The following PCBD2 variants were observed in gnomAD, a reference collection of about 807,000 sequenced individuals.
PCBD2 encodes the protein pterin-4 alpha-carbinolamine dehydratase 2.
Under a neutral mutation model 16.4 loss-of-function variants are expected in PCBD2, and 12 were observed. That is an observed-to-expected ratio of 0.73 (90% CI 0.47 to 1.19). The LOEUF is 1.19. PCBD2 is among the 50% of genes most tolerant of loss of function. The pLI is 0.00. For synonymous variants in PCBD2, 58 were observed against 61.8 expected, an observed-to-expected ratio of 0.94 and a Z score of 0.29; for missense variants, 138 against 156.8, an observed-to-expected ratio of 0.88 and a Z score of 0.64.
intron 3 of PCBD2, among the ~76,000 whole-genome samples, chr5:134,959,536 G>A (rs1014907682): frequency 4.6e-5 from 7 of 152,212 alleles, no homozygotes; most frequent in South Asian, 2.1e-4. Flanking sequence ...TGTATCCTGC[G>A]TAGGAAATGA....
At chr5:134,918,427 C>T (rs1750859948) in intron 2 of PCBD2, among the ~76,000 whole-genome samples, 2 of 152,166 alleles carry the variant, frequency 1.3e-5, no homozygotes, top group African/African-American at 4.8e-5. Context: ...ATGGCTTGAA[C>T]CCGGGAGGCG....
At chr5:134,931,329 G>C (rs748622737) in intron 2 of PCBD2, among the ~76,000 whole-genome samples, 5 of 152,166 alleles carry the variant, frequency 3.3e-5, no homozygotes, top group Non-Finnish European at 1.5e-5. Context: ...AGGTCATTCT[G>C]TACACAGGTA....
intron 2 of PCBD2, among the ~76,000 whole-genome samples, chr5:134,938,507 A>G (rs573614373): frequency 6.6e-5 from 10 of 152,140 alleles, no homozygotes; most frequent in Non-Finnish European, 1.5e-4. Context: ...TGACCTTCCT[A>G]TTCTGGAGAA....
intron 2 of PCBD2, among the ~76,000 whole-genome samples, chr5:134,942,138 A>AG: frequency 6.6e-6 from 1 of 151,634 alleles, no homozygotes; most frequent in Non-Finnish European, 1.5e-5. Context: ...CTCAAAAAAA[A>AG]AAAAAAAAAA....
At chr5:134,913,397 G>A (rs573272837) in intron 2 of PCBD2, among the ~76,000 whole-genome samples, 62 of 152,310 alleles carry the variant, frequency 4.1e-4, no homozygotes, top group African/African-American at 1.5e-3. Context: ...GGTGATCCAA[G>A]GGAAGAGCTT....
chr5:134,936,829 C>G (rs1185525337), intron 2 of PCBD2, among the ~76,000 whole-genome samples: 1 of 152,144 alleles, frequency 6.6e-6, no homozygotes, highest in Non-Finnish European at 1.5e-5. Flanking sequence ...AATAGAAGAC[C>G]TGCTTGTTTT....
chr5:134,920,809 C>G (rs770309842), intron 2 of PCBD2, among the ~76,000 whole-genome samples: 1 of 152,238 alleles, frequency 6.6e-6, no homozygotes, highest in Non-Finnish European at 1.5e-5. Flanking sequence ...GCACCTGCCA[C>G]CAAGCCTGGC....
chr5:134,955,582 A>G (rs898462717), intron 2 of PCBD2, among the ~76,000 whole-genome samples: 3 of 152,338 alleles, frequency 2.0e-5, no homozygotes, highest in East Asian at 3.9e-4. Context: ...TGCTGGGATA[A>G]CAGGCATGAG....
At chr5:134,948,710 G>T (rs1319436247) in intron 2 of PCBD2, among the ~76,000 whole-genome samples, 1 of 138,746 alleles carries the variant, frequency 7.2e-6, no homozygotes, top group African/African-American at 2.8e-5. Context: ...CAAGAATAGT[G>T]ACTTGAAGCT....
chr5:134,926,924 G>A (rs572718422), intron 2 of PCBD2: 7 of 397,992 alleles, frequency 1.8e-5, no homozygotes, highest in Non-Finnish European at 3.1e-5. Flanking sequence ...GGTTAATAGT[G>A]GGGGGTAAGG....
intron 2 of PCBD2, among the ~76,000 whole-genome samples, chr5:134,945,386 A>G (rs532401603): frequency 6.6e-6 from 1 of 152,320 alleles, no homozygotes; most frequent in East Asian, 1.9e-4. Context: ...GAGGAGGAGA[A>G]AACAAATGAT....
At chr5:134,951,929 C>G (rs567588945) in intron 2 of PCBD2, among the ~76,000 whole-genome samples, 48 of 152,074 alleles carry the variant, frequency 3.2e-4, no homozygotes, top group African/African-American at 1.1e-3. Flanking sequence ...TATTACCATA[C>G]AGAAAAAATT....
rs753913786 is a variant in PCBD2, at chr5:134,910,347, C to G, written c.97C>G (p.His33Asp). 2 of 1,613,930 alleles carry G rather than the reference C, an allele frequency of 1.2e-6. No individual in the cohort carries two copies. Among genetic ancestry groups the G allele is most frequent in the Admixed American group, 3.3e-5 (2 of 59,988 alleles). The change falls in exon 2 of 4, where the codon CAC becomes GAC. Residue 33 changes from histidine to aspartate, a missense_variant. His to Asp is a moderately conservative substitution (Grantham distance 81). Coordinates refer to ENST00000254908, the MANE Select transcript of PCBD2 (RefSeq NM_032151.5). ...LGLAAMSSGT[H>D]RLTAEERNQA... ...GTTCTCTTCATAGTCATCAGGTACT[C>G]ACAGGTTGACTGCAGAGGAGAGGAA...
At chr5:134,938,646 G>A (rs969183001) in intron 2 of PCBD2, among the ~76,000 whole-genome samples, 12 of 152,148 alleles carry the variant, frequency 7.9e-5, no homozygotes, top group Admixed American at 7.2e-4. Flanking sequence ...GAGTGGAGAA[G>A]GGGGAGGGGA....
intron 2 of PCBD2, among the ~76,000 whole-genome samples, chr5:134,921,754 A>G (rs1750906476): frequency 6.6e-6 from 1 of 152,174 alleles, no homozygotes; most frequent in African/African-American, 2.4e-5. Flanking sequence ...GTCGTCCTGT[A>G]GTGCCTTTCA....
At chr5:134,939,400 C>T (rs1357731499) in intron 2 of PCBD2, among the ~76,000 whole-genome samples, 4 of 151,546 alleles carry the variant, frequency 2.6e-5, no homozygotes, top group Admixed American at 1.3e-4. Flanking sequence ...TTTTTAAGCC[C>T]ATGTAATGCA....
At chr5:134,921,477 G>C (rs1750902624) in intron 2 of PCBD2, among the ~76,000 whole-genome samples, 1 of 152,086 alleles carries the variant, frequency 6.6e-6, no homozygotes, top group Non-Finnish European at 1.5e-5. Context: ...CAGGGAGTAA[G>C]AGGACATACT....
intron 2 of PCBD2, among the ~76,000 whole-genome samples, chr5:134,915,429 G>T: frequency 6.7e-6 from 1 of 150,362 alleles, no homozygotes; most frequent in East Asian, 1.9e-4. Flanking sequence ...AGCCTGATGG[G>T]CCTCTAATTT....
At chr5:134,932,111 C>G (rs1751105600) in intron 2 of PCBD2, among the ~76,000 whole-genome samples, 1 of 152,170 alleles carries the variant, frequency 6.6e-6, no homozygotes. Context: ...AACCGTATAG[C>G]TGTGGATACA....
Sources: allele counts gnomAD v4.1 joint callset (sites outside exome capture counted in the v4.1 genomes callset), GRCh38; gene constraint gnomAD v4.1.1; transcripts MANE v1.5; gene names NCBI Gene and HGNC (gene_info 2026-07-23, HGNC 2026-07-21).